The following LRRC49 variants were observed in gnomAD, a reference collection of about 807,000 sequenced individuals.
The protein encoded by LRRC49 is leucine rich repeat containing 49.
A neutral mutation model predicts 83.3 loss-of-function variants in LRRC49; 50 were observed. That is an observed-to-expected ratio of 0.60 (90% CI 0.48 to 0.76). The LOEUF is 0.76. LRRC49 is among the 30% of genes least tolerant of loss of function. The pLI, the probability that LRRC49 is intolerant of heterozygous loss-of-function variation, is 0.00. For synonymous variants in LRRC49, 286 were observed against 283.3 expected (o/e 1.01, Z -0.10); for missense variants, 704 against 809.1 (o/e 0.87, Z 1.58).
At position 70,885,048 on chromosome 15, in the gene LRRC49, ATAC is replaced by A. The variant is rs564630964; in HGVS notation, c.19-8532_19-8530del. On this transcript the variant is annotated intron_variant, in intron 2 of 16. Transcript: ENST00000544974. Reference sequence around the variant, plus strand: ...CCACATAGGAATGTATTCTACAGATATACTACAATTTATTAAAACAATCCATAT... The same window carrying A: ...CCACATAGGAATGTATTCTACAGATATACAATTTATTAAAACAATCCATAT... Among the ~76,000 whole-genome samples, 11 of 152,310 alleles carry A rather than the reference ATAC, an allele frequency of 7.2e-5. No individual in the cohort carries two copies. The South Asian group carries it at 1.2e-3, about 17-fold the overall frequency.
intron 7 of LRRC49, among the ~76,000 whole-genome samples, chr15:70,929,460 T>C (rs1306605515): frequency 6.6e-6 from 1 of 152,242 alleles, no homozygotes; most frequent in East Asian, 1.9e-4. Flanking sequence ...CAGCAAGTTG[T>C]AATCTTTTTG....
At chr15:70,977,168 T>C (rs1489172704) in intron 9 of LRRC49, among the ~76,000 whole-genome samples, 1 of 152,228 alleles carries the variant, frequency 6.6e-6, no homozygotes, top group East Asian at 1.9e-4. Flanking sequence ...TATTTTGCTC[T>C]TTTAAACACT....
At chr15:70,867,595 T>C (rs2032940055) in intron 1 of LRRC49, among the ~76,000 whole-genome samples, 1 of 152,160 alleles carries the variant, frequency 6.6e-6, no homozygotes, top group Non-Finnish European at 1.5e-5. Context: ...TGGAAGTGCA[T>C]AAAGATTTAT....
chr15:71,012,417 T>C (rs2141265795), intron 13 of LRRC49, among the ~76,000 whole-genome samples: 1 of 152,166 alleles, frequency 6.6e-6, no homozygotes, highest in South Asian at 2.1e-4. Context: ...CTTTGACACA[T>C]TATTAAAATG....
At chr15:71,023,045 A>G (rs2141279003) in intron 14 of LRRC49, among the ~76,000 whole-genome samples, 1 of 152,362 alleles carries the variant, frequency 6.6e-6, no homozygotes, top group African/African-American at 2.4e-5. Context: ...CACATTTCTA[A>G]ATAACCCACA....
intron 1 of LRRC49, among the ~76,000 whole-genome samples, chr15:70,855,566 A>AGTGTCCTT (rs1233397007): frequency 6.6e-6 from 1 of 152,212 alleles, no homozygotes; most frequent in African/African-American, 2.4e-5. Context: ...CCTGGAGGGC[A>AGTGTCCTT]GTGTCCTTGT....
chr15:71,000,648 G>T (rs1349586028), intron 11 of LRRC49, among the ~76,000 whole-genome samples: 2 of 151,902 alleles, frequency 1.3e-5, no homozygotes, highest in African/African-American at 4.8e-5. Flanking sequence ...TATATAGTTT[G>T]TTTTTTTCTG....
At chr15:71,005,854 G>A (rs2038439325) in intron 11 of LRRC49, among the ~76,000 whole-genome samples, 3 of 152,156 alleles carry the variant, frequency 2.0e-5, no homozygotes, top group Admixed American at 1.3e-4. Context: ...AGGATACAAG[G>A]AAAACTAGAA....
intron 1 of LRRC49, among the ~76,000 whole-genome samples, chr15:70,866,496 C>T (rs1050528093): frequency 2.0e-5 from 3 of 152,092 alleles, no homozygotes; most frequent in Non-Finnish European, 4.4e-5. Context: ...ATTTCCATAC[C>T]CCTGTTCACT....
chr15:70,932,726 C>CTTTTTTTTTTTTTTTTTT (rs5813614), intron 7 of LRRC49, among the ~76,000 whole-genome samples: 1 of 97,202 alleles, frequency 1.0e-5, no homozygotes, highest in African/African-American at 3.7e-5. Context: ...CTTTCTCTGT[C>CTTTTTTTTTTTTTTTTTT]TTTTTTTTTT....
At chr15:70,914,743 A>G in intron 6 of LRRC49, among the ~76,000 whole-genome samples, 1 of 152,188 alleles carries the variant, frequency 6.6e-6, no homozygotes, top group East Asian at 1.9e-4. Context: ...TTTAACATAG[A>G]CACAGATGTG....
chr15:70,892,730 T>G, upstream of LRRC49: 1 of 1,499,474 alleles, frequency 6.7e-7, no homozygotes, highest in East Asian at 2.4e-5. Context: ...CTGCAACGAC[T>G]GTGTGGCTCT....
chr15:70,984,791 C>T (rs2037540074), intron 11 of LRRC49, among the ~76,000 whole-genome samples: 1 of 125,850 alleles, frequency 7.9e-6, no homozygotes, highest in African/African-American at 3.0e-5. Context: ...CCCCCCACCC[C>T]ACAACAGTCC....
intron 7 of LRRC49, among the ~76,000 whole-genome samples, chr15:70,919,794 T>A (rs1225872940): frequency 6.6e-6 from 1 of 152,132 alleles, no homozygotes; most frequent in Non-Finnish European, 1.5e-5. Context: ...GTTTTTTGGT[T>A]TATTGACTCT....
At chr15:70,908,055 A>C in intron 5 of LRRC49, 1 of 455,842 alleles carries the variant, frequency 2.2e-6, no homozygotes, top group South Asian at 1.5e-5. Context: ...AAGGCAACTC[A>C]TGAGAACAAG....
At chr15:70,994,529 C>T (rs187932055) in intron 11 of LRRC49, among the ~76,000 whole-genome samples, 6 of 152,142 alleles carry the variant, frequency 3.9e-5, no homozygotes, top group East Asian at 3.9e-4. Context: ...GGCTGAAGTG[C>T]GGTGGCATGA....
At chr15:70,869,156 C>T (rs2032975074) in intron 1 of LRRC49, among the ~76,000 whole-genome samples, 1 of 152,086 alleles carries the variant, frequency 6.6e-6, no homozygotes, top group Non-Finnish European at 1.5e-5. Flanking sequence ...TATTATAATA[C>T]ATGAAAAGCT....
chr15:70,951,725 T>C (rs1268643890), intron 8 of LRRC49, among the ~76,000 whole-genome samples: 1 of 152,132 alleles, frequency 6.6e-6, no homozygotes, highest in Non-Finnish European at 1.5e-5. Context: ...TTTAGCTTTC[T>C]GTCTCCCTAA....
chr15:70,856,262 G>A (rs545663495), intron 1 of LRRC49, among the ~76,000 whole-genome samples: 2 of 152,200 alleles, frequency 1.3e-5, no homozygotes, highest in South Asian at 4.2e-4. Flanking sequence ...AAAAGAAATT[G>A]AATTTATATG....
Sources: allele counts gnomAD v4.1 joint callset (sites outside exome capture counted in the v4.1 genomes callset), GRCh38; gene constraint gnomAD v4.1.1; transcripts MANE v1.5; gene names NCBI Gene and HGNC (gene_info 2026-07-23, HGNC 2026-07-21).